CSMD1: variants seen among roughly 807,000 people sequenced by gnomAD.
CSMD1 encodes CUB and Sushi multiple domains 1, also known as CUB and sushi domain-containing protein 1.
CSMD1 carries 213 observed loss-of-function variants against 417.5 expected under a neutral mutation model. That is an observed-to-expected ratio of 0.51 (90% CI 0.46 to 0.57). The LOEUF (loss-of-function observed/expected upper bound fraction) is 0.57. Ranked by LOEUF, CSMD1 falls within the 20% of genes least tolerant of loss-of-function variation. The probability of loss-of-function intolerance (pLI) is 0.00; values close to 1 mark genes in which losing one functional copy is unlikely to be tolerated. For missense variants in CSMD1, 6,923 were observed against 4,529.7 expected, an observed-to-expected ratio of 1.53 and a Z score of -15.17; for synonymous variants, 2,862 against 1,736.8, an observed-to-expected ratio of 1.65 and a Z score of -16.11.
chr8:4,308,944 T>C lies in CSMD1; in HGVS notation c.415+111009A>G, dbSNP rs944940429. Among the ~76,000 whole-genome samples the C allele has an allele frequency of 1.1e-4, 17 of 152,316 alleles. No individual in the cohort carries two copies. In the East Asian group the frequency reaches 3.3e-3, roughly 29 times the overall value. On this transcript the variant is annotated intron_variant, in intron 3 of 69. Coordinates refer to ENST00000635120, the MANE Select transcript of CSMD1 (RefSeq NM_033225.6). ...CATTTATTTCTCCTTTTTTAAAGAC[T>C]CTCAAATACTCCCTGTAACCTTCTG... is the stretch of plus-strand genomic sequence containing the variant.
At chr8:3,377,019 TC>T (rs1810349517) in intron 18 of CSMD1, among the ~76,000 whole-genome samples, 1 of 152,234 alleles carries the variant, frequency 6.6e-6, no homozygotes, top group South Asian at 2.1e-4. Flanking sequence ...AATAGCTCTT[TC>T]TTTGTGGAGA....
chr8:3,643,998 C>T (rs770874730), intron 7 of CSMD1, among the ~76,000 whole-genome samples: 5 of 152,196 alleles, frequency 3.3e-5, no homozygotes, highest in African/African-American at 7.2e-5. Flanking sequence ...GAATTCATCG[C>T]TGTTGTTTCA....
intron 2 of CSMD1, among the ~76,000 whole-genome samples, chr8:4,591,065 C>G (rs550980419): frequency 6.6e-6 from 1 of 152,316 alleles, no homozygotes; most frequent in African/African-American, 2.4e-5. Context: ...TTGTCTCCAA[C>G]AGAAATTCCC....
At chr8:3,857,293 T>C (rs980694527) in intron 5 of CSMD1, among the ~76,000 whole-genome samples, 2 of 152,124 alleles carry the variant, frequency 1.3e-5, no homozygotes, top group African/African-American at 4.8e-5. Flanking sequence ...GCCTTTAGCA[T>C]TAGGAGGGTT....
In CSMD1 at chr8:3,476,844, G is replaced by A. The variant is rs373127162; in HGVS notation, c.1449-8020C>T. 4.0e-5 allele frequency among the ~76,000 whole-genome samples: 6 copies of A among 150,358 alleles called. No individual in the cohort carries two copies. The East Asian group carries it at 1.2e-3, about 30-fold the overall frequency. On this transcript the variant is annotated intron_variant, in intron 11 of 69. Transcript: ENST00000635120. ...GAGGCAAGGGAATGGCTTGAACCTGGGAAGCAGAGGTCGCAGTGAGCCAAG... is the reference window on the plus strand; with the variant it reads ...GAGGCAAGGGAATGGCTTGAACCTGAGAAGCAGAGGTCGCAGTGAGCCAAG...
chr8:4,987,753 T>C (rs1165667472), intron 1 of CSMD1, among the ~76,000 whole-genome samples: 1 of 152,144 alleles, frequency 6.6e-6, no homozygotes, highest in African/African-American at 2.4e-5. Context: ...TCAATGTGGG[T>C]GGGCACCAGC....
chr8:4,574,995 G>T (rs779115996), intron 2 of CSMD1, among the ~76,000 whole-genome samples: 1 of 152,054 alleles, frequency 6.6e-6, no homozygotes, highest in African/African-American at 2.4e-5. Flanking sequence ...TTTTAATATT[G>T]TGCTTCCTCA....
At chr8:3,233,788 C>T (rs1223029899) in intron 26 of CSMD1, among the ~76,000 whole-genome samples, 1 of 152,072 alleles carries the variant, frequency 6.6e-6, no homozygotes, top group East Asian at 1.9e-4. Flanking sequence ...TTGCATTCTG[C>T]TTTGAAGGTA....
chr8:3,702,350 T>G (rs1040891887), intron 7 of CSMD1: 1 of 152,196 alleles, frequency 6.6e-6, no homozygotes, highest in African/African-American at 2.4e-5. Context: ...AAATCTCTAC[T>G]TCAAAATAAC....
chr8:3,946,037 G>A (rs114852457), intron 5 of CSMD1, among the ~76,000 whole-genome samples: 3 of 152,064 alleles, frequency 2.0e-5, no homozygotes, highest in African/African-American at 4.8e-5. Flanking sequence ...CGATGTAGGC[G>A]CTACTTTTAC....
intron 8 of CSMD1, among the ~76,000 whole-genome samples, chr8:3,595,817 C>T (rs1413455025): frequency 1.3e-5 from 2 of 152,292 alleles, no homozygotes; most frequent in East Asian, 3.9e-4. Context: ...CACGTTCACC[C>T]ACCTATCTAT....
chr8:4,702,379 C>G (rs1807622185), intron 1 of CSMD1, among the ~76,000 whole-genome samples: 1 of 152,156 alleles, frequency 6.6e-6, no homozygotes, highest in Admixed American at 6.5e-5. Flanking sequence ...GTAGCAATTC[C>G]AAGAATTGAC....
intron 7 of CSMD1, among the ~76,000 whole-genome samples, chr8:3,706,659 A>C (rs17067079): frequency 6.6e-6 from 1 of 152,162 alleles, no homozygotes; most frequent in Non-Finnish European, 1.5e-5. Flanking sequence ...TGATGCCCAA[A>C]TGATCGGATA....
At chr8:3,742,918 G>A (rs149401534) in intron 6 of CSMD1, among the ~76,000 whole-genome samples, 2 of 152,312 alleles carry the variant, frequency 1.3e-5, no homozygotes, top group East Asian at 3.9e-4. Flanking sequence ...CGAATGCGCT[G>A]AGCAGCCTCA....
chr8:4,926,220 T>G (rs1273296501), intron 1 of CSMD1, among the ~76,000 whole-genome samples: 1 of 152,226 alleles, frequency 6.6e-6, no homozygotes, highest in African/African-American at 2.4e-5. Context: ...GAGGCTGCTA[T>G]TACATTTATT....
intron 5 of CSMD1, among the ~76,000 whole-genome samples, chr8:3,957,426 C>T (rs1489392342): frequency 6.6e-5 from 10 of 152,114 alleles, no homozygotes; most frequent in Admixed American, 4.6e-4. Flanking sequence ...ACCTGTAAAC[C>T]CAGCACTTTG....
intron 12 of CSMD1, among the ~76,000 whole-genome samples, chr8:3,449,506 C>T (rs1055600662): frequency 6.6e-6 from 1 of 150,656 alleles, no homozygotes; most frequent in African/African-American, 2.4e-5. Context: ...ATGAACATAC[C>T]TCTCATGACA....
At chr8:4,137,546 T>C (rs7002681) in intron 3 of CSMD1, among the ~76,000 whole-genome samples, 4,383 of 132,024 alleles carry the variant, frequency 0.033, 568 homozygotes, top group African/African-American at 0.1. Context: ...ATTTGTATTA[T>C]GTTTTCTTTG....
intron 2 of CSMD1, among the ~76,000 whole-genome samples, chr8:4,515,032 G>A (rs1803040230): frequency 6.6e-6 from 1 of 152,102 alleles, no homozygotes; most frequent in South Asian, 2.1e-4. Context: ...AAAAGAAGAA[G>A]CACTTTCAGA....
Sources: gnomAD v4.1 joint callset for allele counts (sites outside exome capture counted in the v4.1 genomes callset) on GRCh38, gnomAD v4.1.1 for gene constraint, MANE v1.5 for transcripts, NCBI Gene and HGNC (gene_info 2026-07-23, HGNC 2026-07-21) for gene names.